The following CNGB1 variants were observed in gnomAD, a reference collection of about 807,000 sequenced individuals.
CNGB1 encodes cyclic nucleotide gated channel subunit beta 1, also known as cyclic nucleotide-gated channel beta-1.
In CNGB1, 126 loss-of-function variants were observed where a neutral mutation model predicts 151.7. The observed-to-expected ratio is 0.83, with a 90% CI of 0.72 to 0.96. The LOEUF is 0.96. CNGB1 is among the 40% of genes least tolerant of loss of function. CNGB1 has a pLI of 0.00. For synonymous variants in CNGB1, 623 were observed against 635.1 expected, an observed-to-expected ratio of 0.98 and a Z score of 0.29; for missense variants, 1,698 against 1,627.0, an observed-to-expected ratio of 1.04 and a Z score of -0.75.
chr16:57,882,406 G>C lies in CNGB1; in HGVS notation c.*1758C>G, dbSNP rs886492810. ...TCAATGTGATGATTACCCGGATCAC[G>C]TGACAAGCCATCAACTAGACAAATC... On this transcript the variant is annotated 3_prime_UTR_variant, in exon 33 of 33. Coordinates refer to ENST00000251102, the MANE Select transcript of CNGB1 (RefSeq NM_001297.5). The C allele has an allele frequency of 6.6e-6, 1 of 151,744 alleles. No individual in the cohort carries two copies. The highest frequency in any genetic ancestry group is 2.4e-5 in the African/African-American group (1 of 41,300). The allele number at this position is 151,744 out of a possible 1,614,324, so 9.4% of individuals were successfully genotyped here. A position where few individuals can be genotyped will look rare whatever the true frequency, so the allele number is the denominator to read the frequency against.
intron 14 of CNGB1, 92 bp from the exon 15 acceptor site, chr16:57,940,413 G>T: frequency 7.9e-7 from 1 of 1,260,324 alleles, no homozygotes. Flanking sequence ...CTCTGTGCCA[G>T]GAGCGGAGGG....
At chr16:57,936,052 C>A (rs1293762792) in intron 16 of CNGB1, among the ~76,000 whole-genome samples, 2 of 152,186 alleles carry the variant, frequency 1.3e-5, no homozygotes, top group Non-Finnish European at 2.9e-5. Flanking sequence ...AAAGGGCAAG[C>A]AGGCATGTCT....
intron 17 of CNGB1, among the ~76,000 whole-genome samples, chr16:57,931,181 CAG>C (rs1961336840): frequency 6.7e-6 from 1 of 149,952 alleles, no homozygotes; most frequent in African/African-American, 2.5e-5. Context: ...TTTTTTGAGA[CAG>C]AGTCTTGCTC....
At chr16:57,910,716 A>G (rs531817308) in intron 25 of CNGB1, among the ~76,000 whole-genome samples, 1 of 123,960 alleles carries the variant, frequency 8.1e-6, no homozygotes, top group African/African-American at 3.4e-5. Flanking sequence ...GATTTTTTTA[A>G]ATCTACCTAT....
At chr16:57,928,501 C>A (rs1178934828) in intron 17 of CNGB1, among the ~76,000 whole-genome samples, 1 of 152,182 alleles carries the variant, frequency 6.6e-6, no homozygotes, top group African/African-American at 2.4e-5. Flanking sequence ...ATCCCTCCTC[C>A]AATTAAAACC....
At chr16:57,964,616 C>T in intron 2 of CNGB1, 72 bp from the exon 3 acceptor site, 1 of 1,472,180 alleles carries the variant, frequency 6.8e-7, no homozygotes, top group South Asian at 1.1e-5. Flanking sequence ...CAGCCTGATT[C>T]TCCCTCAAGG....
intron 24 of CNGB1, 88 bp downstream of exon 24, chr16:57,912,841 GT>G (rs1960764295): frequency 7.7e-7 from 1 of 1,293,636 alleles, no homozygotes; most frequent in African/African-American, 1.5e-5. Flanking sequence ...TTGTGTGTGT[GT>G]CATCTGTGTT....
rs1445708451 is a variant in CNGB1, at chr16:57,884,410, T to C, written c.3510A>G (p.Pro1170=). 3 of 1,613,362 alleles carry C rather than the reference T, an allele frequency of 1.9e-6. No individual in the cohort carries two copies. The highest frequency in any genetic ancestry group is 2.5e-6 in the Non-Finnish European group (3 of 1,179,878). The change falls in exon 33 of 33, where the codon CCA becomes CCG. Residue 1170 remains proline, a synonymous_variant. Coordinates refer to ENST00000251102, the MANE Select transcript of CNGB1 (RefSeq NM_001297.5). Reference sequence around the variant, plus strand: ...CCTCCTTTGGGTGCGTGTGCTGGTCTGGGGCGGCGGAGCCTTCCTCTCCCT... The same window carrying C: ...CCTCCTTTGGGTGCGTGTGCTGGTCCGGGGCGGCGGAGCCTTCCTCTCCCT... ...DVKGEEGSAA[P]DQHTHPKEAA...
Position 57,901,524 on chromosome 16 carries a change from G to C in CNGB1, c.2892+4C>G. ...CCTGAGCGTGAGGGCACCAAAAGGTGTACCTGAAAGAGTGCGACTTTGCTA... is the reference window on the plus strand; with the variant it reads ...CCTGAGCGTGAGGGCACCAAAAGGTCTACCTGAAAGAGTGCGACTTTGCTA... On this transcript the variant is annotated splice_donor_region_variant and intron_variant, in intron 28 of 32. Coordinates refer to ENST00000251102, the MANE Select transcript of CNGB1 (RefSeq NM_001297.5). The C allele has an allele frequency of 3.7e-6, 6 of 1,614,104 alleles. No individual in the cohort carries two copies. The highest frequency in any genetic ancestry group is 5.1e-6 in the Non-Finnish European group (6 of 1,179,924).
At chr16:57,965,976 C>G (rs1962389563) in intron 2 of CNGB1, among the ~76,000 whole-genome samples, 1 of 152,182 alleles carries the variant, frequency 6.6e-6, no homozygotes, top group Non-Finnish European at 1.5e-5. Context: ...TATACACATG[C>G]ATACGCACAC....
rs531604731 is a variant in CNGB1, at chr16:57,955,259, G to C, written c.874+2082C>G. On this transcript the variant is annotated intron_variant, in intron 12 of 32. Transcript: ENST00000251102. ...TGGGGTGTCAGTGGCCACCTCCCCC[G>C]GGAAGGTCTTCTCTTCAGGGCATCC... 1,333 of 1,548,238 alleles carry C rather than the reference G, an allele frequency of 8.6e-4. 21 individuals are homozygous for C. The South Asian group carries it at 0.015, about 17-fold the overall frequency.
At chr16:57,930,471 G>C (rs1178801151) in intron 17 of CNGB1, among the ~76,000 whole-genome samples, 1 of 146,826 alleles carries the variant, frequency 6.8e-6, no homozygotes, top group East Asian at 2.1e-4. Flanking sequence ...TCCAACCTGG[G>C]TGACAGAGAG....
At chr16:57,945,426 G>A (rs1480758247) in intron 14 of CNGB1, among the ~76,000 whole-genome samples, 2 of 152,354 alleles carry the variant, frequency 1.3e-5, no homozygotes, top group African/African-American at 4.8e-5. Context: ...GCTTATTCCA[G>A]TGTCAGACCA....
intron 9 of CNGB1, 109 bp downstream of exon 9, chr16:57,960,372 GT>G (rs1962212897): frequency 3.6e-6 from 5 of 1,405,684 alleles, no homozygotes; most frequent in Non-Finnish European, 4.9e-6. Context: ...CCCCGTCCTA[GT>G]CTGGGTGGGG....
intron 17 of CNGB1, among the ~76,000 whole-genome samples, chr16:57,929,361 G>C (rs1369071218): frequency 6.6e-6 from 1 of 151,942 alleles, no homozygotes; most frequent in Non-Finnish European, 1.5e-5. Context: ...GTTCCGCGTG[G>C]CTGGGGAAGC....
chr16:57,921,223 T>A (rs1340873563), intron 18 of CNGB1, among the ~76,000 whole-genome samples: 4 of 146,382 alleles, frequency 2.7e-5, no homozygotes, highest in Non-Finnish European at 6.0e-5. Context: ...GGCTCTTTTT[T>A]TTTTTTTTTT....
In CNGB1 at chr16:57,931,784, C is replaced by T; in HGVS notation, c.1467G>A (p.Val489=). ...LMAEENPPST[V]LPPPSPAKSD... ...ATTTGGCAGGAGACGGTGGCGGCAACACGGTTGAGGGTGGATTCTCTTCTG... is the reference window on the plus strand; with the variant it reads ...ATTTGGCAGGAGACGGTGGCGGCAATACGGTTGAGGGTGGATTCTCTTCTG... The change falls in exon 17 of 33, where the codon GTG becomes GTA. Residue 489 remains valine, a synonymous_variant. Coordinates refer to ENST00000251102, the MANE Select transcript of CNGB1 (RefSeq NM_001297.5). 1 of 1,614,160 alleles carries T rather than the reference C, an allele frequency of 6.2e-7. No homozygotes were observed. The highest frequency in any genetic ancestry group is 1.3e-5 in the African/African-American group (1 of 75,036).
intron 14 of CNGB1, among the ~76,000 whole-genome samples, chr16:57,949,141 G>C (rs1242330678): frequency 6.6e-6 from 1 of 151,916 alleles, no homozygotes; most frequent in Non-Finnish European, 1.5e-5. Context: ...TGTGGGGGGG[G>C]ATGTGGAGTG....
chr16:57,962,755 G>T, intron 6 of CNGB1, 87 bp downstream of exon 6: 1 of 1,589,196 alleles, frequency 6.3e-7, no homozygotes, highest in Non-Finnish European at 8.6e-7. Context: ...AGCCTGGGCA[G>T]AGGCTCCCAA....
Sources: gnomAD v4.1 joint callset for allele counts (sites outside exome capture counted in the v4.1 genomes callset) on GRCh38, gnomAD v4.1.1 for gene constraint, MANE v1.5 for transcripts, NCBI Gene and HGNC (gene_info 2026-07-23, HGNC 2026-07-21) for gene names.